Variants in PDE4D observed in about 807,000 individuals in gnomAD.
PDE4D encodes 3',5'-cyclic-AMP phosphodiesterase 4D.
Under a neutral mutation model 87.4 loss-of-function variants are expected in PDE4D, and 24 were observed. That is an observed-to-expected ratio of 0.27 (90% CI 0.20 to 0.39). PDE4D has a LOEUF of 0.39. Ranked by LOEUF, PDE4D falls within the 10% of genes least tolerant of loss-of-function variation. PDE4D has a pLI of 1.00. For missense variants in PDE4D, 714 were observed against 1,041.0 expected (o/e 0.69, Z 4.32); for synonymous variants, 384 against 383.2 (o/e 1.00, Z -0.02).
intron 2 of PDE4D, among the ~76,000 whole-genome samples, chr5:60,133,805 C>T (rs1011473887): frequency 6.6e-6 from 1 of 152,084 alleles, no homozygotes; most frequent in Non-Finnish European, 1.5e-5. Context: ...AATCTGACTC[C>T]TTGTAACTAT....
intron 1 of PDE4D, among the ~76,000 whole-genome samples, chr5:59,230,977 T>C (rs1417804026): frequency 6.6e-6 from 1 of 152,200 alleles, no homozygotes; most frequent in Non-Finnish European, 1.5e-5. Flanking sequence ...TTTTAAAATA[T>C]ATAGTGGAGA....
At chr5:59,498,736 C>T (rs955695738) in intron 1 of PDE4D, among the ~76,000 whole-genome samples, 4 of 151,866 alleles carry the variant, frequency 2.6e-5, no homozygotes, top group Non-Finnish European at 5.9e-5. Flanking sequence ...CTTAACTATC[C>T]TAAATATATA....
intron 1 of PDE4D, chr5:59,356,674 G>A (rs1409831727): frequency 3.7e-6 from 4 of 1,084,198 alleles, no homozygotes; most frequent in African/African-American, 3.3e-5. Context: ...GAGTTAGAAG[G>A]TCAACATAGG....
chr5:60,247,836 T>C (rs568154729), intron 1 of PDE4D, among the ~76,000 whole-genome samples: 45 of 152,166 alleles, frequency 3.0e-4, no homozygotes, highest in Non-Finnish European at 5.1e-4. Flanking sequence ...CTTCTTCCTT[T>C]CCATTAATTC....
chr5:59,331,952 G>A (rs1266714798), intron 1 of PDE4D, among the ~76,000 whole-genome samples: 1 of 151,980 alleles, frequency 6.6e-6, no homozygotes, highest in Non-Finnish European at 1.5e-5. Flanking sequence ...ATGATTCCTG[G>A]TTCTTAGATC....
intron 5 of PDE4D, among the ~76,000 whole-genome samples, chr5:59,044,826 G>T (rs574342210): frequency 2.0e-5 from 3 of 152,090 alleles, no homozygotes; most frequent in African/African-American, 4.8e-5. Context: ...ATTTTGTGAC[G>T]GTTTTCTTTT....
At chr5:59,564,422 G>A (rs192025039) in intron 1 of PDE4D, among the ~76,000 whole-genome samples, 9 of 152,242 alleles carry the variant, frequency 5.9e-5, no homozygotes, top group Admixed American at 4.6e-4. Context: ...ACTCATTAAG[G>A]GGCCTCAAAG....
At chr5:60,175,461 C>T (rs1380049929) in intron 2 of PDE4D, among the ~76,000 whole-genome samples, 2 of 151,996 alleles carry the variant, frequency 1.3e-5, no homozygotes, top group Non-Finnish European at 2.9e-5. Context: ...TTTCTCTTGC[C>T]TTTTCATATG....
chr5:60,460,929 G>A (rs1746884703), intron 1 of PDE4D, among the ~76,000 whole-genome samples: 1 of 151,598 alleles, frequency 6.6e-6, no homozygotes, highest in Non-Finnish European at 1.5e-5. Flanking sequence ...TATAAATGCA[G>A]AACCATTTAT....
chr5:59,375,948 C>T (rs1001951003), intron 1 of PDE4D, among the ~76,000 whole-genome samples: 18 of 152,158 alleles, frequency 1.2e-4, no homozygotes, highest in African/African-American at 4.1e-4. Flanking sequence ...ACATGATTAT[C>T]TCAAAAGATG....
rs138020750 is a variant in PDE4D at position 60,377,784 on chromosome 5, G to A, written c.-90+110158C>T. Among the ~76,000 whole-genome samples, 655 of 152,216 alleles carry A rather than the reference G, an allele frequency of 4.3e-3. 8 individuals carry two copies. The highest frequency in any genetic ancestry group is 0.015 in the African/African-American group (624 of 41,532). On this transcript the variant is annotated intron_variant, in intron 1 of 16. Coordinates refer to the PDE4D transcript ENST00000502484. ...AAATGACGTTTCATCATGCTGAAAG[G>A]AGAAAAAGATATATTCAAATGGAAA...
In PDE4D at chr5:60,056,037, T is replaced by C. The variant is rs185310334; in HGVS notation, c.43-67320A>G. Among the ~76,000 whole-genome samples, 590 of 152,094 alleles carry C rather than the reference T, an allele frequency of 3.9e-3. 7 individuals carry two copies. Among genetic ancestry groups the C allele is most frequent in the African/African-American group, 0.013 (552 of 41,516 alleles). On this transcript the variant is annotated intron_variant, in intron 2 of 16. Transcript: ENST00000502484. ...TGTCCTTGCTGTATGATTTTCTCAGTGAAATTGTAGGAAAATGAGAAATCT... is the reference window on the plus strand; with the variant it reads ...TGTCCTTGCTGTATGATTTTCTCAGCGAAATTGTAGGAAAATGAGAAATCT...
At chr5:59,684,563 A>G (rs1444124709) in intron 1 of PDE4D, among the ~76,000 whole-genome samples, 1 of 152,154 alleles carries the variant, frequency 6.6e-6, no homozygotes, top group African/African-American at 2.4e-5. Context: ...TAAGATGTGG[A>G]GATAGAAGGC....
chr5:60,490,282 G>A (rs1236566140), upstream of PDE4D: 1 of 152,028 alleles, frequency 6.6e-6, no homozygotes, highest in Non-Finnish European at 1.5e-5. Flanking sequence ...CATGTTACTG[G>A]GACTCGACAT....
Position 60,050,192 on chromosome 5 carries a change from C to T in PDE4D, c.43-61475G>A, listed in dbSNP as rs190158724. Among the ~76,000 whole-genome samples the T allele has an allele frequency of 4.6e-3, 695 of 152,278 alleles. 9 individuals carry two copies. The highest frequency in any genetic ancestry group is 5.6e-3 in the Non-Finnish European group (384 of 68,026). ...GAACTCCCTGACCCCTTGTGCTTCC[C>T]GAGTGAGGCAATGCCTCACCCTGCT... is the stretch of plus-strand genomic sequence containing the variant. On this transcript the variant is annotated intron_variant, in intron 2 of 16. Coordinates refer to the PDE4D transcript ENST00000502484.
Position 59,855,972 on chromosome 5 carries a change from G to A in PDE4D, c.455+37196C>T, listed in dbSNP as rs557200131. 1.2e-4 allele frequency among the ~76,000 whole-genome samples: 18 copies of A among 152,032 alleles called. No individual in the cohort carries two copies. In the South Asian group the frequency reaches 2.5e-3, roughly 21 times the overall value. The stretch of plus-strand genomic sequence containing the variant: ...GTTCACTAAAATATGACAACTATAA[G>A]ACATATTACAGCTTAGGACTAGAGA... On this transcript the variant is annotated intron_variant, in intron 1 of 14. Transcript: ENST00000340635.
chr5:60,358,377 T>C (rs186579722), intron 1 of PDE4D, among the ~76,000 whole-genome samples: 108 of 152,342 alleles, frequency 7.1e-4, no homozygotes, highest in Middle Eastern at 3.4e-3. Flanking sequence ...GTCTTTTTGA[T>C]CACTGCATTT....
At chr5:59,289,412 A>G (rs1430219404) in intron 1 of PDE4D, among the ~76,000 whole-genome samples, 1 of 152,106 alleles carries the variant, frequency 6.6e-6, no homozygotes, top group East Asian at 1.9e-4. Context: ...CACTTTTACT[A>G]AAAGGAAGAC....
rs554014162 is a variant in PDE4D at position 59,430,217 on chromosome 5, G to T, written c.456-214249C>A. 9.2e-6 allele frequency: 11 copies of T among 1,192,386 alleles called. No individual in the cohort carries two copies. The South Asian group carries it at 3.9e-4, about 42-fold the overall frequency. The allele number at this position is 1,192,386 out of a possible 1,614,324, so 73.9% of individuals were successfully genotyped here. On this transcript the variant is annotated intron_variant, in intron 1 of 14. Transcript: ENST00000340635. ...TCACCCTGACCCTCCCATTTCAGCA[G>T]ACATCCAAAGCAGTTACCAAAGGGC...
Sources: allele counts gnomAD v4.1 joint callset (sites outside exome capture counted in the v4.1 genomes callset), GRCh38; gene constraint gnomAD v4.1.1; transcripts MANE v1.5; gene names NCBI Gene and HGNC (gene_info 2026-07-23, HGNC 2026-07-21).